Variants in KHDRBS2 observed in about 807,000 individuals in gnomAD.
KHDRBS2 encodes KH RNA binding domain containing, signal transduction associated 2.
KHDRBS2 carries 26 observed loss-of-function variants against 44.3 expected under a neutral mutation model. That is an observed-to-expected ratio of 0.59 (90% CI 0.43 to 0.81). The LOEUF is 0.81. Among genes scored for constraint, KHDRBS2 ranks in the 40% least tolerant of loss-of-function variants. The pLI is 0.00. For synonymous variants in KHDRBS2, 194 were observed against 151.1 expected, an observed-to-expected ratio of 1.28 and a Z score of -2.08; for missense variants, 476 against 433.1, an observed-to-expected ratio of 1.10 and a Z score of -0.88.
At chr6:61,869,079 AG>A (rs1220380398) in intron 6 of KHDRBS2, among the ~76,000 whole-genome samples, 1 of 151,956 alleles carries the variant, frequency 6.6e-6, no homozygotes, top group Admixed American at 6.6e-5. Flanking sequence ...TTGGCTGGGG[AG>A]GGGGGTTCCC....
In KHDRBS2 at chr6:61,958,195, C is replaced by T. The variant is rs369383845; in HGVS notation, c.483+19871G>A. 7.9e-5 allele frequency among the ~76,000 whole-genome samples: 12 copies of T among 152,160 alleles called. No individual in the cohort carries two copies. In the East Asian group the frequency reaches 1.7e-3, roughly 22 times the overall value. On this transcript the variant is annotated intron_variant, in intron 4 of 8. Coordinates refer to ENST00000281156, the MANE Select transcript of KHDRBS2 (RefSeq NM_152688.4). ...AACAGAAGACACACAGAACAATATC[C>T]CTTCTATTCTTAATTTCTTTGTGGA...
intron 6 of KHDRBS2, among the ~76,000 whole-genome samples, chr6:61,861,806 T>C (rs1183958876): frequency 1.3e-5 from 2 of 152,138 alleles, no homozygotes; most frequent in Non-Finnish European, 2.9e-5. Flanking sequence ...CTTTGGGAAG[T>C]ATAATCATTT....
intron 1 of KHDRBS2, among the ~76,000 whole-genome samples, chr6:62,227,065 A>G (rs1209306173): frequency 6.6e-6 from 1 of 152,180 alleles, no homozygotes; most frequent in Non-Finnish European, 1.5e-5. Context: ...GAAAAATGCC[A>G]ATGTTAGTTT....
At position 62,177,204 on chromosome 6, in the gene KHDRBS2, G is replaced by T; in HGVS notation, c.200C>A (p.Pro67His). ...TAGTACCTTTGGATACTGCTTGACA[G>T]GAATCAGTACTCTTTCTGAGAGCTT... ...NIKLSERVLI[P>H]VKQYPKFNFV... The change falls in exon 2 of 9, where the codon CCT becomes CAT. Residue 67 changes from proline (P) to histidine (H), a missense_variant. Coordinates refer to ENST00000281156, the MANE Select transcript of KHDRBS2 (RefSeq NM_152688.4). 6.3e-7 allele frequency: 1 copy of T among 1,580,770 alleles called. No individual in the cohort carries two copies. Among genetic ancestry groups the T allele is most frequent in the Admixed American group, 1.7e-5 (1 of 59,238 alleles).
intron 3 of KHDRBS2, among the ~76,000 whole-genome samples, chr6:61,980,673 A>T (rs770558239): frequency 6.6e-6 from 1 of 152,160 alleles, no homozygotes; most frequent in African/African-American, 2.4e-5. Context: ...CCCAGATGGC[A>T]TGGCAAATTT....
At position 61,893,912 on chromosome 6, in the gene KHDRBS2, AC is replaced by A. The variant is rs531552997; in HGVS notation, c.810+722del. Among the ~76,000 whole-genome samples the A allele has an allele frequency of 2.7e-4, 41 of 150,636 alleles. No individual in the cohort carries two copies. In the East Asian group the frequency reaches 5.4e-3, roughly 20 times the overall value. ...TTAAAGTATAATAATAAAAAAAAAA[AC>A]ATTTACAGAAGACTTCCTATTGTTA... On this transcript the variant is annotated intron_variant, in intron 6 of 8. Transcript: ENST00000281156.
At chr6:62,192,573 C>A (rs930221543) in intron 1 of KHDRBS2, among the ~76,000 whole-genome samples, 3 of 152,124 alleles carry the variant, frequency 2.0e-5, no homozygotes, top group Non-Finnish European at 4.4e-5. Flanking sequence ...GTTCAGAAAT[C>A]TAATTACATT....
chr6:62,201,714 T>G (rs1827032172), intron 1 of KHDRBS2, among the ~76,000 whole-genome samples: 1 of 152,106 alleles, frequency 6.6e-6, no homozygotes, highest in Admixed American at 6.6e-5. Flanking sequence ...TAAACTATTA[T>G]ATAGTCATTT....
chr6:62,245,573 T>G (rs1835416728), intron 1 of KHDRBS2, among the ~76,000 whole-genome samples: 2 of 152,110 alleles, frequency 1.3e-5, no homozygotes, highest in Non-Finnish European at 2.9e-5. Flanking sequence ...TATTTATATC[T>G]TTAAAAGATT....
At chr6:62,162,019 A>G (rs889695699) in intron 2 of KHDRBS2, among the ~76,000 whole-genome samples, 18 of 152,094 alleles carry the variant, frequency 1.2e-4, no homozygotes, top group African/African-American at 3.9e-4. Flanking sequence ...CTCTTTAATT[A>G]TATAGTAAAA....
chr6:62,012,418 A>G (rs1028158653), intron 3 of KHDRBS2, among the ~76,000 whole-genome samples: 3 of 152,122 alleles, frequency 2.0e-5, no homozygotes, highest in Non-Finnish European at 4.4e-5. Flanking sequence ...CTTTTCCACT[A>G]AACAGGAGAA....
At chr6:61,720,436 C>T (rs1024738373) in intron 7 of KHDRBS2, among the ~76,000 whole-genome samples, 1 of 151,972 alleles carries the variant, frequency 6.6e-6, no homozygotes, top group African/African-American at 2.4e-5. Context: ...CTCTCCAGCA[C>T]CTGTTGTTTC....
chr6:62,002,451 C>G (rs1778431844), intron 3 of KHDRBS2, among the ~76,000 whole-genome samples: 1 of 151,552 alleles, frequency 6.6e-6, no homozygotes, highest in African/African-American at 2.4e-5. Context: ...TCTTTTCTAT[C>G]ATTTTTGCTA....
At chr6:61,866,355 C>T (rs1562332039) in intron 6 of KHDRBS2, among the ~76,000 whole-genome samples, 1 of 152,350 alleles carries the variant, frequency 6.6e-6, no homozygotes, top group East Asian at 1.9e-4. Context: ...GGCTTGCACA[C>T]TCTGAGGCCA....
chr6:61,878,880 T>A (rs9345656), intron 6 of KHDRBS2, among the ~76,000 whole-genome samples: 4 of 151,786 alleles, frequency 2.6e-5, no homozygotes, highest in Non-Finnish European at 2.9e-5. Context: ...ATATGGTTGC[T>A]GTAAAATTAA....
At chr6:61,740,128 G>T (rs1487340456) in intron 6 of KHDRBS2, among the ~76,000 whole-genome samples, 2 of 151,860 alleles carry the variant, frequency 1.3e-5, no homozygotes, top group Admixed American at 1.3e-4. Context: ...GCACACTGGA[G>T]GAATGGCTAA....
At chr6:61,602,923 C>T in the KHDRBS2 span, among the ~76,000 whole-genome samples, 2 of 152,222 alleles carry the variant, frequency 1.3e-5, no homozygotes, top group African/African-American at 2.4e-5. Context: ...TATAGCCACA[C>T]GTCATTGCCA....
intron 3 of KHDRBS2, among the ~76,000 whole-genome samples, chr6:62,004,949 G>A (rs973231248): frequency 1.2e-4 from 19 of 152,054 alleles, no homozygotes; most frequent in Admixed American, 9.2e-4. Context: ...AAAGGCCTTC[G>A]ACAAAATTCA....
At chr6:62,108,978 A>G (rs1192486) in intron 2 of KHDRBS2, among the ~76,000 whole-genome samples, 1 of 152,032 alleles carries the variant, frequency 6.6e-6, no homozygotes, top group Non-Finnish European at 1.5e-5. Flanking sequence ...GGATAGCATT[A>G]GGAGATATAC....
Sources: allele counts gnomAD v4.1 joint callset (sites outside exome capture counted in the v4.1 genomes callset), GRCh38; gene constraint gnomAD v4.1.1; transcripts MANE v1.5; gene names NCBI Gene and HGNC (gene_info 2026-07-23, HGNC 2026-07-21).